Variants in LARS1 observed in about 807,000 individuals in gnomAD.
LARS1 encodes leucyl-tRNA synthetase 1, also known as leucine--tRNA ligase, cytoplasmic.
A neutral mutation model predicts 162.8 loss-of-function variants in LARS1; 100 were observed. That is an observed-to-expected ratio of 0.61 (90% CI 0.52 to 0.73). The LOEUF is 0.73. LARS1 is among the 30% of genes least tolerant of loss of function. The pLI is 0.00. For missense variants in LARS1, 1,258 were observed against 1,408.9 expected (o/e 0.89, Z 1.71); for synonymous variants, 457 against 462.8 (o/e 0.99, Z 0.16).
chr5:146,167,410 T>TG (rs1283513591), intron 5 of LARS1, among the ~76,000 whole-genome samples: 1 of 152,072 alleles, frequency 6.6e-6, no homozygotes, highest in East Asian at 1.9e-4. Context: ...AAGATAATTT[T>TG]TTTTTTTTTT....
chr5:146,138,819 C>A, intron 21 of LARS1: 1 of 221,590 alleles, frequency 4.5e-6, no homozygotes, highest in South Asian at 6.5e-5. Flanking sequence ...AAGAGATGTG[C>A]TATGTATACA....
rs750013742 is a variant in LARS1, at chr5:146,128,747, A to G, written c.2805T>C (p.His935=). Residue 935 remains histidine, a synonymous_variant, in exon 27 of 32, where the codon CAT becomes CAC. Transcript: ENST00000394434. ...AGTTCTTTGCCACATAGATGGTGCAATGTGAGGGCTTCTGCAGGGGTTGTT... is the reference window on the plus strand; with the variant it reads ...AGTTCTTTGCCACATAGATGGTGCAGTGTGAGGGCTTCTGCAGGGGTTGTT... ...TDKQPLQKPS[H]CTIYVAKNYP... The G allele has an allele frequency of 6.2e-7, 1 of 1,602,534 alleles. No homozygotes were observed. Among genetic ancestry groups the G allele is most frequent in the Admixed American group, 1.8e-5 (1 of 55,608 alleles).
In LARS1 at chr5:146,153,226, G is replaced by A. The variant is rs200513146; in HGVS notation, c.1232C>T (p.Ala411Val). 82 of 1,611,642 alleles carry A rather than the reference G, an allele frequency of 5.1e-5. No homozygotes were observed. The Admixed American group carries it at 7.3e-4, about 14-fold the overall frequency. ...AALRDLKKKQ[A>V]LRAKYGIRDD... is the part of the protein sequence containing the mutation. ...TCTAATTCCATATTTTGCTCGTAAG[G>A]CCTACAGAAAAATTTGCAAGTTAAC... The change falls in exon 13 of 32, where the codon GCC becomes GTC. Residue 411 changes from alanine (A) to valine (V), a missense_variant and splice_region_variant. Ala to Val is a moderately conservative substitution (Grantham distance 64). Coordinates refer to ENST00000394434, the MANE Select transcript of LARS1 (RefSeq NM_020117.11).
intron 14 of LARS1, 32 bp from the exon 15 acceptor site, chr5:146,149,731 A>G: frequency 2.7e-6 from 4 of 1,486,084 alleles, no homozygotes; most frequent in South Asian, 2.3e-5. Flanking sequence ...AAAACCACAT[A>G]TAAAACAGTT....
chr5:146,113,185 C>T lies in LARS1; in HGVS notation c.*921G>A, dbSNP rs1764053550. ...GTTCAAGCGATTCTCCTGCCTCACA[C>T]TCCCAAGCAGCTGGGATTACAGGTA... is the stretch of plus-strand genomic sequence containing the variant. On this transcript the variant is annotated 3_prime_UTR_variant, in exon 32 of 32. Transcript: ENST00000394434. 1 of 152,300 alleles carries T rather than the reference C, an allele frequency of 6.6e-6. No individual in the cohort carries two copies. Among genetic ancestry groups the T allele is most frequent in the African/African-American group, 2.4e-5 (1 of 41,448 alleles). 9.4% of individuals were successfully genotyped at this position (152,300 alleles called of 1,614,324 possible).
chr5:146,117,235 T>C (rs765121949), intron 31 of LARS1, among the ~76,000 whole-genome samples: 4 of 152,128 alleles, frequency 2.6e-5, no homozygotes, highest in Non-Finnish European at 5.9e-5. Flanking sequence ...TTTGAGTACA[T>C]TTAAAACAGA....
At chr5:146,122,272 A>G (rs1176917182) in intron 30 of LARS1, among the ~76,000 whole-genome samples, 1 of 152,074 alleles carries the variant, frequency 6.6e-6, no homozygotes, top group Non-Finnish European at 1.5e-5. Context: ...TTCCTATAAT[A>G]GTAAACTGAG....
intron 10 of LARS1, 149 bp downstream of exon 10, chr5:146,157,254 T>A (rs151081054): frequency 1.4e-6 from 1 of 694,230 alleles, no homozygotes; most frequent in African/African-American, 1.8e-5. Flanking sequence ...TATATACATA[T>A]GAAAATGCAC....
chr5:146,124,761 G>A (rs74555355), intron 28 of LARS1, among the ~76,000 whole-genome samples: 2 of 151,902 alleles, frequency 1.3e-5, no homozygotes, highest in Non-Finnish European at 2.9e-5. Flanking sequence ...TATTATTCCT[G>A]CTACTCACTG....
chr5:146,144,335 G>A lies in LARS1; in HGVS notation c.1670C>T (p.Thr557Ile). ...TAAGGTGGCTTCAAAATTCCTCCTG[G>A]TCTCCTCACAGAATCTAGAAAAGAG... ...LKNLETFCEE[T>I]RRNFEATLGW... The change falls in exon 18 of 32, where the codon ACC (threonine) becomes ATC (isoleucine). Residue 557 changes from threonine to isoleucine, a missense_variant. Coordinates refer to ENST00000394434, the MANE Select transcript of LARS1 (RefSeq NM_020117.11). The A allele has an allele frequency of 6.2e-7, 1 of 1,613,232 alleles. No individual in the cohort carries two copies. The highest frequency in any genetic ancestry group is 8.5e-7 in the Non-Finnish European group (1 of 1,179,718).
rs1023132639 is a variant in LARS1 at position 146,113,421 on chromosome 5, G to C, written c.*685C>G. 1 of 152,768 alleles carries C rather than the reference G, an allele frequency of 6.5e-6. No homozygotes were observed. The highest frequency in any genetic ancestry group is 2.1e-4 in the South Asian group (1 of 4,824). The allele number at this position is 152,768 out of a possible 1,614,324, so 9.5% of individuals were successfully genotyped here. A position where few individuals can be genotyped will look rare whatever the true frequency, so the allele number is the denominator to read the frequency against. Reference sequence around the variant, plus strand: ...CAAATTTAGTAAATGCAGATTTCTGGGGGGGAAGGGGGGAATCTTCTTTTA... The same window carrying C: ...CAAATTTAGTAAATGCAGATTTCTGCGGGGGAAGGGGGGAATCTTCTTTTA... On this transcript the variant is annotated 3_prime_UTR_variant, in exon 32 of 32. Transcript: ENST00000394434.
At chr5:146,127,406 G>A (rs1752091302) in intron 27 of LARS1, among the ~76,000 whole-genome samples, 1 of 151,992 alleles carries the variant, frequency 6.6e-6, no homozygotes, top group African/African-American at 2.4e-5. Flanking sequence ...GATTATAAAT[G>A]AACATTCTTT....
chr5:146,139,355 A>G (rs924374455), intron 21 of LARS1, among the ~76,000 whole-genome samples: 7 of 102,866 alleles, frequency 6.8e-5, no homozygotes, highest in Non-Finnish European at 1.1e-4. Flanking sequence ...CAAAAAAAAA[A>G]AAAAAGAAAA....
intron 4 of LARS1, among the ~76,000 whole-genome samples, chr5:146,169,838 C>T (rs1457849187): frequency 1.3e-5 from 2 of 152,010 alleles, no homozygotes; most frequent in South Asian, 2.1e-4. Flanking sequence ...CGTGAGCCAC[C>T]GTGTCTGGCC....
intron 14 of LARS1, among the ~76,000 whole-genome samples, chr5:146,151,287 T>C (rs1753279246): frequency 6.6e-6 from 1 of 152,212 alleles, no homozygotes; most frequent in African/African-American, 2.4e-5. Flanking sequence ...AAAAACATTC[T>C]TGTTGATGTC....
intron 22 of LARS1, among the ~76,000 whole-genome samples, chr5:146,133,846 T>TTTG (rs1752396744): frequency 6.6e-6 from 1 of 152,130 alleles, no homozygotes; most frequent in Admixed American, 6.6e-5. Flanking sequence ...TATCTATGTT[T>TTTG]TTTGTTTGTT....
At chr5:146,167,493 TCCAGGGTTCACG>T (rs575544260) in intron 5 of LARS1, among the ~76,000 whole-genome samples, 184 of 151,904 alleles carry the variant, frequency 1.2e-3, no homozygotes, top group African/African-American at 4.0e-3. Flanking sequence ...AAGCTCCACC[TCCAGGGTTCACG>T]CCATTCTGAT....
At position 146,122,496 on chromosome 5, in the gene LARS1, A is replaced by T; in HGVS notation, c.3188T>A (p.Ile1063Lys). The T allele has an allele frequency of 6.4e-7, 1 of 1,570,772 alleles. No homozygotes were observed. The highest frequency in any genetic ancestry group is 1.4e-5 in the African/African-American group (1 of 73,986). ...CPGKPLNVFRIEPGVSVSLVN... is the reference protein window; with the variant it reads ...CPGKPLNVFRKEPGVSVSLVN... ...AGTGAGATTCCTTCAACTTACTTCT[A>T]TTCTAAAAACATTAAGTGGTTTCCC... is the stretch of plus-strand genomic sequence containing the variant. Residue 1063 changes from isoleucine to lysine, a missense_variant, in exon 30 of 32, where the codon ATA becomes AAA. Physicochemically the swap from Ile to Lys is moderately radical, Grantham distance 102. Transcript: ENST00000394434.
intron 15 of LARS1, among the ~76,000 whole-genome samples, chr5:146,146,103 G>A (rs866629863): frequency 3.9e-5 from 6 of 152,216 alleles, no homozygotes; most frequent in Admixed American, 2.6e-4. Context: ...GGTGGCTCAC[G>A]CCTGTAAACC....
Sources: gnomAD v4.1 joint callset for allele counts (sites outside exome capture counted in the v4.1 genomes callset) on GRCh38, gnomAD v4.1.1 for gene constraint, MANE v1.5 for transcripts, NCBI Gene and HGNC (gene_info 2026-07-23, HGNC 2026-07-21) for gene names.